PTPRN2: variants seen among roughly 807,000 people sequenced by gnomAD.
PTPRN2 encodes protein tyrosine phosphatase receptor type N2, also known as receptor-type tyrosine-protein phosphatase N2.
Under a neutral mutation model 118.8 loss-of-function variants are expected in PTPRN2, and 74 were observed. The observed-to-expected ratio is 0.62, with a 90% confidence interval of 0.52 to 0.76. The LOEUF (loss-of-function observed/expected upper bound fraction) is 0.76. Among genes scored for constraint, PTPRN2 ranks in the 30% least tolerant of loss-of-function variants. The probability of loss-of-function intolerance (pLI) is 0.00; values close to 1 mark genes in which losing one functional copy is unlikely to be tolerated. For missense variants in PTPRN2, 1,481 were observed against 1,394.4 expected (o/e 1.06, Z -0.99); for synonymous variants, 641 against 608.0 (o/e 1.05, Z -0.80).
intron 12 of PTPRN2, among the ~76,000 whole-genome samples, chr7:157,883,563 G>A (rs1796286066): frequency 1.4e-5 from 2 of 146,060 alleles, no homozygotes; most frequent in South Asian, 4.4e-4. Context: ...TCAGAGAACA[G>A]AACACACCAC....
At chr7:158,550,633 G>C (rs1233246375) in intron 1 of PTPRN2, among the ~76,000 whole-genome samples, 1 of 152,234 alleles carries the variant, frequency 6.6e-6, no homozygotes, top group Non-Finnish European at 1.5e-5. Flanking sequence ...TTTGACTTTT[G>C]CATCTCTGGG....
intron 15 of PTPRN2, chr7:157,614,040 A>C (rs1460020923): frequency 2.1e-6 from 1 of 471,414 alleles, no homozygotes; most frequent in East Asian, 6.9e-5. Context: ...TGCCTTGGAA[A>C]GCATCGTTCT....
intron 2 of PTPRN2, among the ~76,000 whole-genome samples, chr7:158,358,277 G>A (rs1373262588): frequency 6.6e-6 from 1 of 152,164 alleles, no homozygotes; most frequent in Non-Finnish European, 1.5e-5. Flanking sequence ...AGGTAGCCAT[G>A]GGGGGCCCTC....
At chr7:158,409,122 G>T (rs746121818) in intron 2 of PTPRN2, among the ~76,000 whole-genome samples, 42 of 152,236 alleles carry the variant, frequency 2.8e-4, no homozygotes, top group Middle Eastern at 3.4e-3. Flanking sequence ...AGAAGCCCCC[G>T]CAGGTAATGC....
chr7:158,514,141 T>C (rs1376005007), intron 1 of PTPRN2, among the ~76,000 whole-genome samples: 2 of 152,158 alleles, frequency 1.3e-5, no homozygotes, highest in African/African-American at 2.4e-5. Context: ...AGGACTGACA[T>C]AGAAGGATTA....
intron 6 of PTPRN2, among the ~76,000 whole-genome samples, chr7:158,144,348 C>T (rs1022900216): frequency 6.6e-6 from 1 of 152,146 alleles, no homozygotes; most frequent in Admixed American, 6.5e-5. Context: ...AAAGAGAAAG[C>T]AGACATCAGC....
At chr7:158,316,714 C>T (rs1802353433) in intron 3 of PTPRN2, 105 bp downstream of exon 3, 3 of 815,204 alleles carry the variant, frequency 3.7e-6, no homozygotes, top group Non-Finnish European at 5.6e-6. Context: ...CCACCACACT[C>T]GTGGATTCAG....
intron 12 of PTPRN2, among the ~76,000 whole-genome samples, chr7:157,805,443 ATT>A (rs1391464926): frequency 4.6e-5 from 7 of 152,186 alleles, no homozygotes; most frequent in African/African-American, 1.7e-4. Context: ...TTTCTTATAA[ATT>A]AGGCTGGAGT....
chr7:157,876,811 A>G (rs1303317207), intron 12 of PTPRN2, among the ~76,000 whole-genome samples: 1 of 152,196 alleles, frequency 6.6e-6, no homozygotes, highest in Non-Finnish European at 1.5e-5. Context: ...GGGTGCCAGC[A>G]GCCACCTGGG....
intron 12 of PTPRN2, among the ~76,000 whole-genome samples, chr7:157,687,086 T>C (rs1475999798): frequency 6.6e-6 from 1 of 151,978 alleles, no homozygotes. Context: ...TGTGGAGCTG[T>C]CTTAGAACTT....
chr7:158,436,210 C>A (rs1816563565), intron 2 of PTPRN2, among the ~76,000 whole-genome samples: 1 of 152,198 alleles, frequency 6.6e-6, no homozygotes, highest in African/African-American at 2.4e-5. Flanking sequence ...ATTTACCAAC[C>A]CATTGATAGT....
chr7:158,571,245 G>T (rs1828012469), intron 1 of PTPRN2, among the ~76,000 whole-genome samples: 2 of 151,992 alleles, frequency 1.3e-5, no homozygotes, highest in Non-Finnish European at 2.9e-5. Context: ...AGCACTTTGG[G>T]AGGCCGAGGT....
chr7:157,776,489 C>G (rs1416106157), intron 12 of PTPRN2, among the ~76,000 whole-genome samples: 1 of 112,490 alleles, frequency 8.9e-6, no homozygotes, highest in Non-Finnish European at 2.0e-5. Context: ...CCTCCTCCCT[C>G]TCCTTCTCCC....
intron 2 of PTPRN2, among the ~76,000 whole-genome samples, chr7:158,378,706 A>AGGGTCCAGGGTCCAGGGTCG (rs1563220589): frequency 2.0e-5 from 3 of 152,150 alleles, no homozygotes; most frequent in African/African-American, 7.2e-5. Flanking sequence ...GTCCAGGGTC[A>AGGGTCCAGGGTCCAGGGTCG]ACATCCAACT....
chr7:158,067,222 A>C (rs1416297807), intron 11 of PTPRN2, among the ~76,000 whole-genome samples: 2 of 152,216 alleles, frequency 1.3e-5, no homozygotes, highest in African/African-American at 4.8e-5. Flanking sequence ...CTTTTCAGCG[A>C]AGCCTCCTCC....
chr7:157,707,837 G>A (rs1798410869), intron 12 of PTPRN2, among the ~76,000 whole-genome samples: 1 of 152,188 alleles, frequency 6.6e-6, no homozygotes, highest in Non-Finnish European at 1.5e-5. Flanking sequence ...TGATCCACTC[G>A]CCTTGGCCCC....
intron 12 of PTPRN2, among the ~76,000 whole-genome samples, chr7:157,751,040 C>G (rs1050916657): frequency 6.6e-6 from 1 of 152,238 alleles, no homozygotes; most frequent in African/African-American, 2.4e-5. Context: ...CAGTGAGCGT[C>G]CTGCCCAACT....
At position 158,151,034 on chromosome 7, in the gene PTPRN2, T is replaced by A. The variant is rs1820985627; in HGVS notation, c.911-12519A>T. ...TATGCGGGAAGCCAGGCCCTGTCACTGTCCTGCCCCTGCCTGCCCACACTG... is the reference window on the plus strand; with the variant it reads ...TATGCGGGAAGCCAGGCCCTGTCACAGTCCTGCCCCTGCCTGCCCACACTG... On this transcript the variant is annotated intron_variant, in intron 6 of 22. Coordinates refer to ENST00000389418, the MANE Select transcript of PTPRN2 (RefSeq NM_002847.5). 1.4e-5 allele frequency among the ~76,000 whole-genome samples: 2 copies of A among 145,286 alleles called. 1 individual carries two copies. Among genetic ancestry groups the A allele is most frequent in the Non-Finnish European group, 3.0e-5 (2 of 66,274 alleles).
chr7:158,085,435 C>T (rs1308636863), intron 10 of PTPRN2, among the ~76,000 whole-genome samples: 12 of 30,742 alleles, frequency 3.9e-4, no homozygotes, highest in Admixed American at 9.0e-4. Flanking sequence ...TCCACACCCA[C>T]GACGCCCATC....
Sources: gnomAD v4.1 joint callset for allele counts (sites outside exome capture counted in the v4.1 genomes callset) on GRCh38, gnomAD v4.1.1 for gene constraint, MANE v1.5 for transcripts, NCBI Gene and HGNC (gene_info 2026-07-23, HGNC 2026-07-21) for gene names.